Variants in RBMS3 observed in about 807,000 individuals in gnomAD.
RBMS3 encodes RNA-binding motif, single-stranded-interacting protein 3.
In RBMS3, 27 loss-of-function variants were observed where a neutral mutation model predicts 66.8. That is an observed-to-expected ratio of 0.40 (90% CI 0.30 to 0.56). RBMS3 has a LOEUF of 0.56. Among genes scored for constraint, RBMS3 ranks in the 20% least tolerant of loss-of-function variants. The pLI, the probability that RBMS3 is intolerant of heterozygous loss-of-function variation, is 0.40. For synonymous variants in RBMS3, 188 were observed against 183.0 expected, an observed-to-expected ratio of 1.03 and a Z score of -0.22; for missense variants, 513 against 549.5, an observed-to-expected ratio of 0.93 and a Z score of 0.66.
chr3:29,613,964 T>A (rs914519241), intron 4 of RBMS3, among the ~76,000 whole-genome samples: 1 of 152,134 alleles, frequency 6.6e-6, no homozygotes, highest in African/African-American at 2.4e-5. Flanking sequence ...GATCCAGCAA[T>A]CCCGCTGCTG....
At chr3:29,395,003 C>T (rs930388905) in intron 1 of RBMS3, among the ~76,000 whole-genome samples, 1 of 152,164 alleles carries the variant, frequency 6.6e-6, no homozygotes, top group African/African-American at 2.4e-5. Flanking sequence ...TACAAACTGC[C>T]TCTCTGGCCC....
At chr3:29,968,108 T>C (rs572058515) in intron 12 of RBMS3, among the ~76,000 whole-genome samples, 23 of 152,294 alleles carry the variant, frequency 1.5e-4, no homozygotes, top group African/African-American at 5.1e-4. Flanking sequence ...CATTTAGGGC[T>C]TGATCTTTCC....
chr3:29,855,700 CAG>C (rs1285041142), intron 6 of RBMS3, among the ~76,000 whole-genome samples: 1 of 152,168 alleles, frequency 6.6e-6, no homozygotes. Context: ...AAAAGCCTGA[CAG>C]ATATATCCAA....
intron 3 of RBMS3, among the ~76,000 whole-genome samples, chr3:29,528,258 G>A (rs552985342): frequency 2.8e-4 from 42 of 151,930 alleles, no homozygotes; most frequent in East Asian, 1.2e-3. Flanking sequence ...GATTACAGGC[G>A]CCAGCCACCA....
intron 1 of RBMS3, among the ~76,000 whole-genome samples, chr3:29,297,016 A>G (rs529156819): frequency 6.6e-6 from 1 of 151,834 alleles, no homozygotes; most frequent in Non-Finnish European, 1.5e-5. Context: ...GAAACATTTT[A>G]ACAAAGTCTG....
intron 3 of RBMS3, among the ~76,000 whole-genome samples, chr3:29,558,468 G>A (rs1388664330): frequency 6.6e-6 from 1 of 152,004 alleles, no homozygotes; most frequent in Non-Finnish European, 1.5e-5. Flanking sequence ...GATGCATTCA[G>A]AAACAAAAAA....
chr3:29,476,309 A>G (rs1443540767), intron 2 of RBMS3, among the ~76,000 whole-genome samples: 2 of 152,254 alleles, frequency 1.3e-5, no homozygotes, highest in African/African-American at 2.4e-5. Context: ...CTATAAGCCT[A>G]TTATTGAGCT....
Position 29,911,867 on chromosome 3 carries a change from T to A in RBMS3, c.939+12112T>A, listed in dbSNP as rs534019076. ...GATGCCATCTTAGACTAGGACATTT[T>A]AAAAATTTATTCTTTGGGAATAATT... On this transcript the variant is annotated intron_variant, in intron 10 of 14. Transcript: ENST00000383767. 1.9e-3 allele frequency among the ~76,000 whole-genome samples: 284 copies of A among 152,196 alleles called. 2 individuals carry two copies. Among genetic ancestry groups the A allele is most frequent in the African/African-American group, 6.6e-3 (273 of 41,550 alleles).
intron 4 of RBMS3, among the ~76,000 whole-genome samples, chr3:29,679,758 CT>C (rs1166808375): frequency 8.0e-6 from 1 of 124,802 alleles, no homozygotes; most frequent in Non-Finnish European, 1.6e-5. Flanking sequence ...ATAATTTATA[CT>C]ACTTGACTGT....
chr3:29,885,652 A>G (rs1213539660), intron 8 of RBMS3, among the ~76,000 whole-genome samples: 1 of 151,920 alleles, frequency 6.6e-6, no homozygotes, highest in Non-Finnish European at 1.5e-5. Flanking sequence ...AGGAAAATAG[A>G]AACAATAGTT....
At chr3:29,754,253 AAAAGATGGG>A (rs2055312958) in intron 5 of RBMS3, among the ~76,000 whole-genome samples, 1 of 152,190 alleles carries the variant, frequency 6.6e-6, no homozygotes, top group Non-Finnish European at 1.5e-5. Context: ...GTACATGGCT[AAAAGATGGG>A]AAAACTCTAA....
chr3:29,369,206 A>G (rs1196701966), intron 1 of RBMS3, among the ~76,000 whole-genome samples: 1 of 151,988 alleles, frequency 6.6e-6, no homozygotes, highest in African/African-American at 2.4e-5. Flanking sequence ...AGAATAACTA[A>G]TGGGTACTAG....
At chr3:29,348,496 A>G (rs1276649004) in intron 1 of RBMS3, among the ~76,000 whole-genome samples, 1 of 152,108 alleles carries the variant, frequency 6.6e-6, no homozygotes, top group African/African-American at 2.4e-5. Context: ...TTTCATCAAC[A>G]GACTTTATTA....
intron 12 of RBMS3, among the ~76,000 whole-genome samples, chr3:29,968,702 G>T (rs1352162842): frequency 1.3e-5 from 2 of 152,112 alleles, no homozygotes; most frequent in African/African-American, 4.8e-5. Context: ...TATTTAGGGT[G>T]CTTCCTGGGT....
At chr3:29,691,956 T>TTTTTTTTTTTTTTTTTTTTG in intron 4 of RBMS3, among the ~76,000 whole-genome samples, 1 of 131,880 alleles carries the variant, frequency 7.6e-6, no homozygotes, top group African/African-American at 2.8e-5. Context: ...TCTATTTTTT[T>TTTTTTTTTTTTTTTTTTTTG]TTTTTTTTTT....
At chr3:29,927,772 G>A (rs1687363385) in intron 10 of RBMS3, among the ~76,000 whole-genome samples, 1 of 152,142 alleles carries the variant, frequency 6.6e-6, no homozygotes, top group Admixed American at 6.5e-5. Flanking sequence ...TGAAAGCTGT[G>A]TGATCCTCGT....
intron 1 of RBMS3, among the ~76,000 whole-genome samples, chr3:29,415,678 A>G (rs745573505): frequency 2.2e-4 from 34 of 152,196 alleles, no homozygotes; most frequent in Non-Finnish European, 4.4e-4. Flanking sequence ...TCTGAATAGA[A>G]ATAGTAGAAC....
At chr3:30,000,965 A>G (rs1205943418) in intron 14 of RBMS3, among the ~76,000 whole-genome samples, 2 of 152,054 alleles carry the variant, frequency 1.3e-5, no homozygotes, top group East Asian at 3.9e-4. Flanking sequence ...ACAGCAAATC[A>G]CCATGGCATG....
In RBMS3 at chr3:30,006,403, G is replaced by A. The variant is rs944267210; in HGVS notation, c.*2541G>A. 6.6e-6 allele frequency: 1 copy of A among 151,874 alleles called. No homozygotes were observed. The highest frequency in any genetic ancestry group is 1.5e-5 in the Non-Finnish European group (1 of 67,834). The allele number at this position is 151,874 out of a possible 1,614,324, so 9.4% of individuals were successfully genotyped here. A position where few individuals can be genotyped will look rare whatever the true frequency, so the allele number is the denominator to read the frequency against. On this transcript the variant is annotated 3_prime_UTR_variant, in exon 15 of 15. Coordinates refer to ENST00000383767, the MANE Select transcript of RBMS3 (RefSeq NM_001003793.3). Reference sequence around the variant, plus strand: ...ATTTATGGTCACATTGGAGACAAAAGTGTATCCAAGAAAATGTAGTGTGCG... The same window carrying A: ...ATTTATGGTCACATTGGAGACAAAAATGTATCCAAGAAAATGTAGTGTGCG...
Sources: allele counts gnomAD v4.1 joint callset (sites outside exome capture counted in the v4.1 genomes callset), GRCh38; gene constraint gnomAD v4.1.1; transcripts MANE v1.5; gene names NCBI Gene and HGNC (gene_info 2026-07-23, HGNC 2026-07-21).